KCNAB1: variants seen among roughly 807,000 people sequenced by gnomAD.
KCNAB1 encodes the protein voltage-gated potassium channel subunit beta-1.
A neutral mutation model predicts 64.6 loss-of-function variants in KCNAB1; 35 were observed. The ratio of observed to expected loss-of-function variants is 0.54; its 90% CI spans 0.41 to 0.72. The LOEUF (loss-of-function observed/expected upper bound fraction) is 0.72, where lower values mean the gene tolerates loss of function less well. KCNAB1 is among the 30% of genes least tolerant of loss of function. The pLI, the probability that KCNAB1 is intolerant of heterozygous loss-of-function variation, is 0.00. For synonymous variants in KCNAB1, 177 were observed against 183.8 expected (o/e 0.96, Z 0.30); for missense variants, 401 against 512.9 (o/e 0.78, Z 2.11).
upstream of KCNAB1, chr3:156,120,408 T>A: frequency 1.6e-6 from 1 of 638,436 alleles, no homozygotes; most frequent in Non-Finnish European, 2.8e-6. Context: ...ACCACAGGTA[T>A]TGGCCAGCTT....
At chr3:156,320,594 C>T (rs1363234758) in intron 1 of KCNAB1, among the ~76,000 whole-genome samples, 1 of 152,024 alleles carries the variant, frequency 6.6e-6, no homozygotes, top group African/African-American at 2.4e-5. Flanking sequence ...GGGAGGCTAC[C>T]GCAGCAGGAC....
chr3:156,143,276 C>T, intron 1 of KCNAB1: 1 of 1,613,962 alleles, frequency 6.2e-7, no homozygotes, highest in Non-Finnish European at 8.5e-7. Flanking sequence ...TGGCACCTAG[C>T]AGTGACCAAG....
chr3:156,353,469 T>C (rs1560212178), intron 1 of KCNAB1, among the ~76,000 whole-genome samples: 3 of 152,210 alleles, frequency 2.0e-5, no homozygotes. Context: ...GTGTAACAAA[T>C]CACTTCAAAA....
At chr3:156,509,375 GTGCTGCTGCTGCTGCTGCTGC>G (rs67594426) in intron 8 of KCNAB1, among the ~76,000 whole-genome samples, 2 of 150,942 alleles carry the variant, frequency 1.3e-5, no homozygotes, top group African/African-American at 2.4e-5. Flanking sequence ...AAGTTTCCAG[GTGCTGCTGCTGCTGCTGCTGC>G]TGCTGCTGCT....
chr3:156,129,080 C>T (rs1713833989), intron 1 of KCNAB1, among the ~76,000 whole-genome samples: 1 of 152,156 alleles, frequency 6.6e-6, no homozygotes, highest in African/African-American at 2.4e-5. Flanking sequence ...ACAACAACCT[C>T]ATAGTCTTGT....
chr3:156,338,303 C>CTTTTTTTT lies in KCNAB1; in HGVS notation c.276-83293_276-83286dup, dbSNP rs34671816. 7.4e-3 allele frequency among the ~76,000 whole-genome samples: 294 copies of CTTTTTTTT among 39,472 alleles called. 80 individuals carry two copies. The highest frequency in any genetic ancestry group is 0.021 in the African/African-American group (238 of 11,378). The allele number at this position is 39,472 out of a possible 152,430, so 25.9% of individuals were successfully genotyped here. ...TCTTATACTTTCTTTGGCATTTGCA[C>CTTTTTTTT]TTTTTTTTTTTTTTTTTTTTTTTTT... On this transcript the variant is annotated intron_variant, in intron 1 of 13. Coordinates refer to ENST00000490337, the MANE Select transcript of KCNAB1 (RefSeq NM_172160.3).
chr3:156,200,747 G>A (rs562376128), intron 1 of KCNAB1, among the ~76,000 whole-genome samples: 1 of 152,336 alleles, frequency 6.6e-6, no homozygotes, highest in South Asian at 2.1e-4. Context: ...CTTGCTGCAC[G>A]ATGTGGGAAT....
chr3:156,386,578 G>A (rs934592683), intron 1 of KCNAB1, among the ~76,000 whole-genome samples: 1 of 152,192 alleles, frequency 6.6e-6, no homozygotes, highest in African/African-American at 2.4e-5. Flanking sequence ...GAGGCAATGT[G>A]ATAATTGCCA....
chr3:156,191,612 C>T (rs959083577), intron 1 of KCNAB1, among the ~76,000 whole-genome samples: 1 of 152,104 alleles, frequency 6.6e-6, no homozygotes, highest in African/African-American at 2.4e-5. Flanking sequence ...ACAAAATGTG[C>T]CCGGGTTCTT....
chr3:156,536,520 T>C, intron 13 of KCNAB1, 138 bp from the exon 14 acceptor site: 1 of 669,848 alleles, frequency 1.5e-6, no homozygotes, highest in Non-Finnish European at 2.7e-6. Context: ...GTGATGGTGT[T>C]GGGGGCGGGG....
chr3:156,335,724 T>C lies in KCNAB1; in HGVS notation c.276-85892T>C, dbSNP rs79058330. 7.7e-3 allele frequency among the ~76,000 whole-genome samples: 1,176 copies of C among 152,310 alleles called. 9 individuals are homozygous for C. The highest frequency in any genetic ancestry group is 0.027 in the African/African-American group (1,125 of 41,566). ...CTTTTCCTTGTCAACATTTCACCTG[T>C]CGTTTGGTATTTGATGACATGAGCT... On this transcript the variant is annotated intron_variant, in intron 1 of 13. Transcript: ENST00000490337.
chr3:156,433,375 G>A (rs867760771), intron 2 of KCNAB1, among the ~76,000 whole-genome samples: 1 of 152,150 alleles, frequency 6.6e-6, no homozygotes, highest in Non-Finnish European at 1.5e-5. Flanking sequence ...ATGGAATGAC[G>A]AGTGAAAGAA....
chr3:156,247,808 G>T (rs1717555276), intron 1 of KCNAB1, among the ~76,000 whole-genome samples: 2 of 152,184 alleles, frequency 1.3e-5, no homozygotes, highest in East Asian at 3.9e-4. Flanking sequence ...CAAGTGATCT[G>T]CCCACCTCCG....
intron 1 of KCNAB1, among the ~76,000 whole-genome samples, chr3:156,238,569 A>T (rs1716990507): frequency 6.6e-6 from 1 of 152,234 alleles, no homozygotes; most frequent in Non-Finnish European, 1.5e-5. Context: ...GATAGAATTC[A>T]AATGATTCTA....
At chr3:156,418,529 A>G (rs1715250277) in intron 1 of KCNAB1, among the ~76,000 whole-genome samples, 1 of 152,208 alleles carries the variant, frequency 6.6e-6, no homozygotes. Flanking sequence ...TACTGCACAA[A>G]CATGGATAGA....
intron 1 of KCNAB1, among the ~76,000 whole-genome samples, chr3:156,395,796 G>A (rs1032495702): frequency 6.6e-6 from 1 of 152,056 alleles, no homozygotes; most frequent in Non-Finnish European, 1.5e-5. Context: ...AAAATGGTAT[G>A]TGGAGAACAT....
At chr3:156,281,454 T>C (rs1719709410) in intron 1 of KCNAB1, among the ~76,000 whole-genome samples, 1 of 150,286 alleles carries the variant, frequency 6.7e-6, no homozygotes, top group South Asian at 2.1e-4. Flanking sequence ...TGCCTGGCTT[T>C]GGTATCAGAA....
intron 1 of KCNAB1, among the ~76,000 whole-genome samples, chr3:156,324,795 A>T (rs139711746): frequency 6.6e-6 from 1 of 152,252 alleles, no homozygotes; most frequent in African/African-American, 2.4e-5. Context: ...TAATAAAAAG[A>T]CCAGGGTAGT....
intron 1 of KCNAB1, among the ~76,000 whole-genome samples, chr3:156,200,393 A>G (rs1479298421): frequency 1.3e-5 from 2 of 152,158 alleles, no homozygotes; most frequent in Non-Finnish European, 2.9e-5. Context: ...GGCAGGCAAG[A>G]AGCTTTGTCT....
Sources: allele counts gnomAD v4.1 joint callset (sites outside exome capture counted in the v4.1 genomes callset), GRCh38; gene constraint gnomAD v4.1.1; transcripts MANE v1.5; gene names NCBI Gene and HGNC (gene_info 2026-07-23, HGNC 2026-07-21).